Variants in DGKI observed in about 807,000 individuals in gnomAD.
The protein encoded by DGKI is diacylglycerol kinase iota, also known as DAG kinase iota.
In DGKI, 55 loss-of-function variants were observed where a neutral mutation model predicts 147.5. The ratio of observed to expected loss-of-function variants is 0.37; its 90% CI spans 0.30 to 0.47. The LOEUF (loss-of-function observed/expected upper bound fraction) is 0.47. Ranked by LOEUF, DGKI falls within the 20% of genes least tolerant of loss-of-function variation. DGKI has a pLI of 1.00. For missense variants in DGKI, 1,007 were observed against 1,323.8 expected, an observed-to-expected ratio of 0.76 and a Z score of 3.71; for synonymous variants, 469 against 477.1, an observed-to-expected ratio of 0.98 and a Z score of 0.22.
chr7:137,836,070 TTTA>T (rs1471023250), intron 1 of DGKI, among the ~76,000 whole-genome samples: 1 of 152,196 alleles, frequency 6.6e-6, no homozygotes, highest in Non-Finnish European at 1.5e-5. Context: ...CACACACATT[TTTA>T]TTATTATTAA....
intron 28 of DGKI, among the ~76,000 whole-genome samples, chr7:137,417,568 G>A (rs146429011): frequency 3.9e-5 from 6 of 152,240 alleles, no homozygotes; most frequent in East Asian, 1.9e-4. Flanking sequence ...ATCCATGTGC[G>A]GAAGGAAGAG....
At chr7:137,593,725 CA>C (rs1179978847) in intron 12 of DGKI, among the ~76,000 whole-genome samples, 3 of 151,886 alleles carry the variant, frequency 2.0e-5, no homozygotes, top group Non-Finnish European at 4.4e-5. Flanking sequence ...TAAATTAACA[CA>C]TATTGAAATG....
At chr7:137,618,868 A>T (rs1023245115) in intron 8 of DGKI, among the ~76,000 whole-genome samples, 2 of 152,152 alleles carry the variant, frequency 1.3e-5, no homozygotes, top group Non-Finnish European at 2.9e-5. Flanking sequence ...GCTTCCATAG[A>T]CTATAATTTT....
intron 2 of DGKI, among the ~76,000 whole-genome samples, chr7:137,685,326 G>C (rs1183445561): frequency 6.6e-6 from 1 of 152,170 alleles, no homozygotes; most frequent in East Asian, 1.9e-4. Context: ...GAAAGATCTT[G>C]GTGGCTTTTC....
chr7:137,571,368 C>T, intron 18 of DGKI, 82 bp from the exon 19 acceptor site: 1 of 930,772 alleles, frequency 1.1e-6, no homozygotes, highest in South Asian at 1.6e-5. Context: ...GTAGTTAGAC[C>T]CAATGTTTAT....
At chr7:137,756,533 A>G (rs1227483239) in intron 1 of DGKI, among the ~76,000 whole-genome samples, 1 of 152,212 alleles carries the variant, frequency 6.6e-6, no homozygotes, top group East Asian at 1.9e-4. Context: ...GAATTCACCA[A>G]ATAAAAAGGA....
intron 27 of DGKI, among the ~76,000 whole-genome samples, chr7:137,447,565 C>T (rs1454864968): frequency 3.9e-5 from 6 of 152,160 alleles, no homozygotes; most frequent in East Asian, 1.9e-4. Flanking sequence ...TAGCAATAGG[C>T]GTGTGAAAAG....
rs529142741 is a variant in DGKI at position 137,560,623 on chromosome 7, G to A, written c.1948-8055C>T. ...TAAGTAAACTAAGGTTGTTGAGATAGGAAGATTATTCTGGATTGTCTTAGT... is the reference window on the plus strand; with the variant it reads ...TAAGTAAACTAAGGTTGTTGAGATAAGAAGATTATTCTGGATTGTCTTAGT... On this transcript the variant is annotated intron_variant, in intron 19 of 32. Coordinates refer to ENST00000614521, the MANE Select transcript of DGKI (RefSeq NM_001321708.2). 3.9e-5 allele frequency among the ~76,000 whole-genome samples: 6 copies of A among 152,264 alleles called. No homozygotes were observed. In the South Asian group the frequency reaches 1.2e-3, roughly 32 times the overall value.
rs144451824 is a variant in DGKI at position 137,564,297 on chromosome 7, G to T, written c.1947+6878C>A. Among the ~76,000 whole-genome samples, 978 of 152,094 alleles carry T rather than the reference G, an allele frequency of 6.4e-3. 10 individuals are homozygous for T. Among genetic ancestry groups the T allele is most frequent in the Non-Finnish European group, 0.01 (698 of 67,954 alleles). On this transcript the variant is annotated intron_variant, in intron 19 of 32. Coordinates refer to ENST00000614521, the MANE Select transcript of DGKI (RefSeq NM_001321708.2). ...CTTCAAGAAGAAAATATAGGAGAAT[G>T]GCCTCCCAATCTTTCTGGGAGTAAT...
At chr7:137,583,907 A>G (rs2128982284) in intron 14 of DGKI, among the ~76,000 whole-genome samples, 2 of 152,310 alleles carry the variant, frequency 1.3e-5, no homozygotes, top group East Asian at 1.9e-4. Context: ...TATCTACTAG[A>G]AATCTACTAG....
rs917810436 is a variant in DGKI, at chr7:137,651,702, C to T, written c.738+3030G>A. On this transcript the variant is annotated intron_variant, in intron 5 of 32. Coordinates refer to ENST00000614521, the MANE Select transcript of DGKI (RefSeq NM_001321708.2). Reference sequence around the variant, plus strand: ...GAAGAGAACATAGAAAAGAACTAAGCTCGGAGGGATTTGCAGAGGTTGGGG... The same window carrying T: ...GAAGAGAACATAGAAAAGAACTAAGTTCGGAGGGATTTGCAGAGGTTGGGG... 4.6e-5 allele frequency among the ~76,000 whole-genome samples: 7 copies of T among 152,064 alleles called. No homozygotes were observed. In the East Asian group the frequency reaches 1.4e-3, roughly 29 times the overall value.
chr7:137,696,180 C>G (rs1339784985), intron 1 of DGKI, among the ~76,000 whole-genome samples: 1 of 152,154 alleles, frequency 6.6e-6, no homozygotes, highest in Non-Finnish European at 1.5e-5. Context: ...CAAACTTCCA[C>G]CACGTGTCAG....
intron 7 of DGKI, among the ~76,000 whole-genome samples, chr7:137,620,260 G>A (rs769282935): frequency 3.3e-5 from 5 of 152,038 alleles, no homozygotes; most frequent in African/African-American, 1.2e-4. Flanking sequence ...CTTTCTAATC[G>A]TTGCATGGAA....
chr7:137,510,944 C>G (rs192649133), intron 21 of DGKI, among the ~76,000 whole-genome samples: 1 of 152,202 alleles, frequency 6.6e-6, no homozygotes, highest in Non-Finnish European at 1.5e-5. Context: ...GGGGACATCT[C>G]TAATTCTGCT....
intron 1 of DGKI, among the ~76,000 whole-genome samples, chr7:137,710,810 C>A (rs1585396589): frequency 6.6e-6 from 1 of 151,932 alleles, no homozygotes; most frequent in Admixed American, 6.6e-5. Flanking sequence ...TAATTCTGTT[C>A]ATCAAAAACA....
chr7:137,648,032 T>C (rs1184591727), intron 5 of DGKI, among the ~76,000 whole-genome samples: 2 of 150,762 alleles, frequency 1.3e-5, no homozygotes, highest in South Asian at 2.1e-4. Context: ...CTTTCCTCTG[T>C]TCTGCAAAAC....
rs1818076009 is a variant in DGKI at position 137,552,388 on chromosome 7, A to G, written c.2128T>C (p.Ser710Pro). 1 of 1,613,298 alleles carries G rather than the reference A, an allele frequency of 6.2e-7. No individual in the cohort carries two copies. ...NMVQKSKRRTSMPLLNDPQSV... is the reference protein window; with the variant it reads ...NMVQKSKRRTPMPLLNDPQSV... ...ACTCACTCATTGAGTAAAGGCATGG[A>G]TGTTCTCCTCTTGCTCTTCTGTACC... Residue 710 changes from serine (S) to proline (P), a missense_variant, in exon 20 of 33, where the codon TCC becomes CCC. Ser to Pro is a moderately conservative substitution (Grantham distance 74). Transcript: ENST00000614521.
intron 8 of DGKI, among the ~76,000 whole-genome samples, chr7:137,612,702 A>G (rs747721074): frequency 6.6e-6 from 1 of 152,142 alleles, no homozygotes; most frequent in African/African-American, 2.4e-5. Flanking sequence ...TATGTCAAGA[A>G]GTTACTGTGT....
chr7:137,668,286 C>T (rs149685189), intron 3 of DGKI, among the ~76,000 whole-genome samples: 2 of 152,296 alleles, frequency 1.3e-5, no homozygotes, highest in African/African-American at 2.4e-5. Context: ...CTGTTCTCCA[C>T]GAGAATGAAA....
Sources: gnomAD v4.1 joint callset for allele counts (sites outside exome capture counted in the v4.1 genomes callset) on GRCh38, gnomAD v4.1.1 for gene constraint, MANE v1.5 for transcripts, NCBI Gene and HGNC (gene_info 2026-07-23, HGNC 2026-07-21) for gene names.